CD80: variants seen among roughly 807,000 people sequenced by gnomAD.
CD80 encodes T-lymphocyte activation antigen CD80.
CD80 carries 13 observed loss-of-function variants against 27.1 expected under a neutral mutation model. The ratio of observed to expected loss-of-function variants is 0.48; its 90% CI spans 0.31 to 0.76. The LOEUF is 0.76. Among genes scored for constraint, CD80 ranks in the 30% least tolerant of loss-of-function variants. CD80 has a pLI of 0.04. For synonymous variants in CD80, 125 were observed against 125.5 expected (o/e 1.00, Z 0.03); for missense variants, 277 against 347.9 (o/e 0.80, Z 1.62).
At chr3:119,548,068 A>G (rs1489036249) in intron 2 of CD80, among the ~76,000 whole-genome samples, 1 of 150,908 alleles carries the variant, frequency 6.6e-6, no homozygotes, top group Non-Finnish European at 1.5e-5. Flanking sequence ...TGCAACCTCC[A>G]CCCCCAGGTT....
At chr3:119,543,197 T>G (rs1039190735) in intron 3 of CD80, among the ~76,000 whole-genome samples, 1 of 152,228 alleles carries the variant, frequency 6.6e-6, no homozygotes, top group African/African-American at 2.4e-5. Context: ...CTCTCTCTAT[T>G]GCAATTCCCC....
intron 1 of CD80, among the ~76,000 whole-genome samples, 193 bp from the exon 2 acceptor site, chr3:119,558,121 C>T (rs1370779002): frequency 1.3e-5 from 2 of 152,120 alleles, no homozygotes; most frequent in Non-Finnish European, 2.9e-5. Flanking sequence ...CACAGCCCTT[C>T]CATGAAAAGG....
chr3:119,557,579 C>G, intron 2 of CD80, 50 bp downstream of exon 2: 1 of 1,345,774 alleles, frequency 7.4e-7, no homozygotes, highest in Non-Finnish European at 1.1e-6. Context: ...CATGTCCTTT[C>G]TCTTAACCCT....
At chr3:119,549,223 T>C (rs1327906370) in intron 2 of CD80, among the ~76,000 whole-genome samples, 1 of 152,100 alleles carries the variant, frequency 6.6e-6, no homozygotes, top group Admixed American at 6.5e-5. Flanking sequence ...GTCCATGCCA[T>C]ACAATTACCC....
At position 119,544,848 on chromosome 3, in the gene CD80, C is replaced by T. The variant is rs770194191; in HGVS notation, c.120G>A (p.Lys40=). Reference sequence around the variant, plus strand: ...ACAGCGTTGCCACTTCTTTCACTTCCTTGGTCACGTGGATAACACCTATGG... The same window carrying T: ...ACAGCGTTGCCACTTCTTTCACTTCTTTGGTCACGTGGATAACACCTATGG... ...HFCSGVIHVT[K]EVKEVATLSC... is the part of the protein sequence containing the mutation. The change falls in exon 3 of 7, where the codon AAG becomes AAA. Residue 40 remains lysine (K), a synonymous_variant. Transcript: ENST00000264246. 2 of 1,614,008 alleles carry T rather than the reference C, an allele frequency of 1.2e-6. No homozygotes were observed. Among genetic ancestry groups the T allele is most frequent in the Non-Finnish European group, 1.7e-6 (2 of 1,179,920 alleles).
chr3:119,551,541 G>C (rs1020357367), intron 2 of CD80, among the ~76,000 whole-genome samples: 1 of 152,100 alleles, frequency 6.6e-6, no homozygotes, highest in African/African-American at 2.4e-5. Context: ...TCTGCCATGG[G>C]ATGATGCAGC....
At chr3:119,548,369 G>A (rs149274953) in intron 2 of CD80, among the ~76,000 whole-genome samples, 144 of 152,250 alleles carry the variant, frequency 9.5e-4, no homozygotes, top group African/African-American at 3.1e-3. Context: ...CAGGAGTTGG[G>A]GACAGAGACA....
intron 2 of CD80, among the ~76,000 whole-genome samples, chr3:119,553,079 T>A (rs1377761336): frequency 2.0e-5 from 3 of 151,866 alleles, no homozygotes; most frequent in African/African-American, 7.3e-5. Flanking sequence ...ATTGCAAATA[T>A]ACTAAAACCC....
Position 119,543,364 on chromosome 3 carries a change from T to C in CD80, c.418+1186A>G, listed in dbSNP as rs2082180942. ...ATTCATAAATTAGTTTTTTTCCTTG[T>C]GGCAGGAATTAATTATGCATCCAAT... is the stretch of plus-strand genomic sequence containing the variant. On this transcript the variant is annotated intron_variant, in intron 3 of 6. Coordinates refer to ENST00000264246, the MANE Select transcript of CD80 (RefSeq NM_005191.4). Among the ~76,000 whole-genome samples, 3 of 151,924 alleles carry C rather than the reference T, an allele frequency of 2.0e-5. 1 individual carries two copies. Among genetic ancestry groups the C allele is most frequent in the South Asian group, 4.2e-4 (2 of 4,814 alleles).
At chr3:119,532,510 A>G (rs74380867) in intron 4 of CD80, among the ~76,000 whole-genome samples, 2 of 151,806 alleles carry the variant, frequency 1.3e-5, no homozygotes, top group African/African-American at 2.4e-5. Flanking sequence ...AAAAAAAAAA[A>G]AAGAAGTGCC....
chr3:119,529,729 T>G, intron 5 of CD80, 113 bp downstream of exon 5: 1 of 701,852 alleles, frequency 1.4e-6, no homozygotes, highest in Non-Finnish European at 2.5e-6. Flanking sequence ...TTCCATAGGC[T>G]TGCTGTAAAC....
chr3:119,529,696 A>T, intron 5 of CD80, 146 bp downstream of exon 5: 1 of 607,864 alleles, frequency 1.6e-6, no homozygotes, highest in Non-Finnish European at 2.9e-6. Flanking sequence ...ACTTGTTGAG[A>T]CAAGTAAAGG....
chr3:119,541,051 A>G lies in CD80; in HGVS notation c.418+3499T>C, dbSNP rs571603401. ...TGACAGAGTAAGAGACTCCATCTCA[A>G]AAAAAAAAAAAGTTTCAAAATCTTT... On this transcript the variant is annotated intron_variant, in intron 3 of 6. Transcript: ENST00000264246. 5.5e-3 allele frequency among the ~76,000 whole-genome samples: 826 copies of G among 149,272 alleles called. 4 individuals carry two copies. Among genetic ancestry groups the G allele is most frequent in the African/African-American group, 0.019 (789 of 40,982 alleles).
chr3:119,527,771 T>C lies in CD80; in HGVS notation c.867A>G (p.Ter289=). 6.2e-7 allele frequency: 1 copy of C among 1,613,240 alleles called. No individual in the cohort carries two copies. The highest frequency in any genetic ancestry group is 8.5e-7 in the Non-Finnish European group (1 of 1,179,184). ...RLRRESVRPV[*] Reference sequence around the variant, plus strand: ...CAGCCCCTTGCTTCTGCGGACACTGTTATACAGGGCGTACACTTTCCCTTC... The same window carrying C: ...CAGCCCCTTGCTTCTGCGGACACTGCTATACAGGGCGTACACTTTCCCTTC... The change falls in exon 6 of 7, where the codon TAA becomes TAG. Residue 289 remains the stop codon, a stop_retained_variant. Transcript: ENST00000264246.
At chr3:119,528,992 A>G (rs1029383073) in intron 5 of CD80, among the ~76,000 whole-genome samples, 4 of 146,338 alleles carry the variant, frequency 2.7e-5, no homozygotes, top group Non-Finnish European at 6.0e-5. Context: ...CCCAGGCTGG[A>G]GTGCAATGGC....
chr3:119,558,516 A>G (rs1161222031), intron 1 of CD80, among the ~76,000 whole-genome samples: 1 of 152,146 alleles, frequency 6.6e-6, no homozygotes, highest in African/African-American at 2.4e-5. Context: ...TAATCCCAGC[A>G]CTTTGGGAGG....
chr3:119,550,570 A>C (rs2082225914), intron 2 of CD80, among the ~76,000 whole-genome samples: 1 of 152,230 alleles, frequency 6.6e-6, no homozygotes, highest in African/African-American at 2.4e-5. Context: ...TAGGGACTCC[A>C]TCACACACGG....
chr3:119,551,768 T>G (rs1036489081), intron 2 of CD80, among the ~76,000 whole-genome samples: 1 of 152,214 alleles, frequency 6.6e-6, no homozygotes, highest in Admixed American at 6.5e-5. Flanking sequence ...TTTAGAATGC[T>G]CTACAGATTT....
At chr3:119,554,107 C>T (rs2107748210) in intron 2 of CD80, among the ~76,000 whole-genome samples, 1 of 152,358 alleles carries the variant, frequency 6.6e-6, no homozygotes, top group East Asian at 1.9e-4. Flanking sequence ...CTGATCCTTA[C>T]TTTTTCTCTT....
Sources: allele counts gnomAD v4.1 joint callset (sites outside exome capture counted in the v4.1 genomes callset), GRCh38; gene constraint gnomAD v4.1.1; transcripts MANE v1.5; gene names NCBI Gene and HGNC (gene_info 2026-07-23, HGNC 2026-07-21).